Variants in INPPL1 observed in about 807,000 individuals in gnomAD.
The protein encoded by INPPL1 is inositol polyphosphate phosphatase like 1.
Under a neutral mutation model 139.3 loss-of-function variants are expected in INPPL1, and 91 were observed. The ratio of observed to expected loss-of-function variants is 0.65; its 90% CI spans 0.55 to 0.78. The LOEUF is 0.78. INPPL1 is among the 30% of genes least tolerant of loss of function. The pLI is 0.00. For missense variants in INPPL1, 1,411 were observed against 1,665.6 expected, an observed-to-expected ratio of 0.85 and a Z score of 2.66; for synonymous variants, 719 against 686.6, an observed-to-expected ratio of 1.05 and a Z score of -0.74.
intron 1 of INPPL1, chr11:72,225,374 C>A (rs1948641758): frequency 2.0e-6 from 2 of 985,282 alleles, no homozygotes; most frequent in South Asian, 4.7e-5. Flanking sequence ...CTTTCAGGAG[C>A]CTTGAGGGTA....
Position 72,234,757 on chromosome 11 carries a change from G to GTGTGTA in INPPL1, c.2415+147_2415+148insATGTGT. On this transcript the variant is annotated intron_variant, in intron 21 of 27. Transcript: ENST00000298229. The surrounding 1 kb of genome is among the most constrained non-coding windows in gnomAD (Gnocchi z 4.2). ...AGTGTGTGTGTGTGTGTGTGTGTGT[G>GTGTGTA]TGTGTGTATGGGCATGGGCATGAGT... 1 of 643,994 alleles carries GTGTGTA rather than the reference G, an allele frequency of 1.6e-6. No homozygotes were observed. Among genetic ancestry groups the GTGTGTA allele is most frequent in the Non-Finnish European group, 2.7e-6 (1 of 367,030 alleles). The allele number at this position is 643,994 out of a possible 1,614,324, so 39.9% of individuals were successfully genotyped here. A position where few individuals can be genotyped will look rare whatever the true frequency, so the allele number is the denominator to read the frequency against.
upstream of INPPL1, among the ~76,000 whole-genome samples, chr11:72,224,561 TGGATCTCCTCGGGTGAATGATGGGGGCA>T (rs1172306953): frequency 6.9e-6 from 1 of 144,082 alleles, no homozygotes; most frequent in Non-Finnish European, 1.5e-5. Flanking sequence ...ATTTGGGGAC[TGGATCTCCTCGGGTGAATGATGGGGGCA>T]GGATCATTGT....
intron 18 of INPPL1, 48 bp from the exon 19 acceptor site, chr11:72,233,606 AG>A: frequency 6.2e-7 from 1 of 1,606,802 alleles, no homozygotes; most frequent in Middle Eastern, 1.7e-4. Context: ...GTGGGAGCCG[AG>A]GGTGGGAATA....
intron 5 of INPPL1, 113 bp from the exon 6 acceptor site, chr11:72,229,352 A>G: frequency 1.4e-6 from 2 of 1,402,974 alleles, no homozygotes; most frequent in Admixed American, 3.6e-5. Flanking sequence ...TTGCCTCTTG[A>G]CTTTCCTCAC....
chr11:72,238,217 A>C, intron 27 of INPPL1, 42 bp downstream of exon 27: 1 of 1,613,202 alleles, frequency 6.2e-7, no homozygotes, highest in Non-Finnish European at 8.5e-7. Context: ...TGGGGCCCTC[A>C]GGATCCCCTT....
Position 72,225,061 on chromosome 11 carries a change from T to A in INPPL1, c.77T>A (p.Leu26Gln). Residue 26 changes from leucine (L) to glutamine (Q), a missense_variant, in exon 1 of 28, where the codon CTG (leucine) becomes CAG (glutamine). Leu to Gln is a moderately radical substitution (Grantham distance 113). Around this residue, in one of 5 missense-constraint regions of INPPL1, gnomAD observed 504 missense variants for 595.6 expected, o/e 0.85. Transcript: ENST00000298229. Reference protein sequence around the residue: ...SQAPSWYHRDLSRAAAEELLA... With the variant: ...SQAPSWYHRDQSRAAAEELLA... ...GCCCCCTCCTGGTACCACCGCGACC[T>A]GAGCCGGGCGGCCGCGGAGGAGCTG... 1 of 1,229,944 alleles carries A rather than the reference T, an allele frequency of 8.1e-7. No individual in the cohort carries two copies. Among genetic ancestry groups the A allele is most frequent in the Non-Finnish European group, 1.0e-6 (1 of 987,110 alleles). 76.2% of individuals were successfully genotyped at this position (1,229,944 alleles called of 1,614,324 possible).
At position 72,233,133 on chromosome 11, in the gene INPPL1, A is replaced by G. The variant is rs1467776665; in HGVS notation, c.2010A>G (p.Thr670=). ...TYRYERGSRD[T]YAWHKQKPTG... ...GCTATGAGCGGGGTTCCCGGGACAC[A>G]TATGCCTGGCACAAGCAGAAGCCAA... The change falls in exon 17 of 28, where the codon ACA becomes ACG. Residue 670 remains threonine, a synonymous_variant. Coordinates refer to ENST00000298229, the MANE Select transcript of INPPL1 (RefSeq NM_001567.4). The G allele has an allele frequency of 1.9e-6, 3 of 1,614,030 alleles. No individual in the cohort carries two copies. The South Asian group carries it at 3.3e-5, about 18-fold the overall frequency.
In INPPL1 at chr11:72,237,354, G is replaced by A. The variant is rs1219653747; in HGVS notation, c.3110G>A (p.Gly1037Glu). 1 of 1,613,876 alleles carries A rather than the reference G, an allele frequency of 6.2e-7. No homozygotes were observed. Among genetic ancestry groups the A allele is most frequent in the Admixed American group, 1.7e-5 (1 of 60,002 alleles). ...GHHRHPRVGEGSSSDEESGGT... is the reference protein window; with the variant it reads ...GHHRHPRVGEESSSDEESGGT... ...CACCGGCACCCTCGTGTGGGAGAGG[G>A]GAGTTCTTCAGATGAGGAGTCTGGA... The change falls in exon 26 of 28, where the codon GGG (glycine) becomes GAG (glutamate). Residue 1037 changes from glycine to glutamate, a missense_variant. Gly to Glu is a moderately conservative substitution (Grantham distance 98). Transcript: ENST00000298229.
At position 72,232,670 on chromosome 11, in the gene INPPL1, G is replaced by T. The variant is rs1396666961; in HGVS notation, c.1757G>T (p.Gly586Val). 6.2e-7 allele frequency: 1 copy of T among 1,613,822 alleles called. No homozygotes were observed. Among genetic ancestry groups the T allele is most frequent in the East Asian group, 2.2e-5 (1 of 44,864 alleles). ...YLDILRLLSL[G>V]DRQLNAFDIS... is the part of the protein sequence containing the mutation. Reference sequence around the variant, plus strand: ...GACATCCTGCGGCTGCTCTCGCTGGGCGACCGGCAGCTCAATGCCTTTGAC... The same window carrying T: ...GACATCCTGCGGCTGCTCTCGCTGGTCGACCGGCAGCTCAATGCCTTTGAC... The change falls in exon 15 of 28, where the codon GGC becomes GTC. Residue 586 changes from glycine to valine, a missense_variant. Coordinates refer to ENST00000298229, the MANE Select transcript of INPPL1 (RefSeq NM_001567.4).
chr11:72,231,148 C>T lies in INPPL1; in HGVS notation c.1456C>T (p.Arg486Cys), dbSNP rs1006478277. The T allele has an allele frequency of 1.5e-5, 24 of 1,613,462 alleles. No homozygotes were observed. The highest frequency in any genetic ancestry group is 1.8e-5 in the Non-Finnish European group (21 of 1,180,002). The change falls in exon 12 of 28, where the codon CGC (arginine) becomes TGC (cysteine). Residue 486 changes from arginine (R) to cysteine (C), a missense_variant. Coordinates refer to ENST00000298229, the MANE Select transcript of INPPL1 (RefSeq NM_001567.4). ...VGDREWLDLLRGGLKELTDLD... is the reference protein window; with the variant it reads ...VGDREWLDLLCGGLKELTDLD... The stretch of plus-strand genomic sequence containing the variant: ...CGACCGCGAGTGGCTGGACCTACTG[C>T]GCGGGGGCCTCAAGGAGCTTACGGA...
In INPPL1 at chr11:72,228,359, T is replaced by C; in HGVS notation, c.258T>C (p.Gly86=). 1 of 1,613,590 alleles carries C rather than the reference T, an allele frequency of 6.2e-7. No homozygotes were observed. The highest frequency in any genetic ancestry group is 8.5e-7 in the Non-Finnish European group (1 of 1,179,936). The part of the protein sequence containing the change: ...EDFLAVQTSQ[G]VPVRRFQTLG... ...TTGCTGGCCCACAGACCTCGCAGGG[T>C]GTGCCTGTGCGCCGCTTCCAGACCC... Residue 86 remains glycine (G), a synonymous_variant, in exon 3 of 28, where the codon GGT becomes GGC. Coordinates refer to ENST00000298229, the MANE Select transcript of INPPL1 (RefSeq NM_001567.4). This position sits in a 1 kb window ranked among gnomAD's most constrained non-coding sequence, Gnocchi z 5.0.
rs568270118 is a variant in INPPL1 at position 72,225,444 on chromosome 11, C to T, written c.182+278C>T. ...GATGACGAAAAATTCGGGCATTCCC[C>T]GGCAGACCCCTTCAGGCATCCTCCA... On this transcript the variant is annotated intron_variant, in intron 1 of 27. Transcript: ENST00000298229. The T allele has an allele frequency of 1.1e-5, 11 of 985,352 alleles. No individual in the cohort carries two copies. The East Asian group carries it at 5.7e-4, about 51-fold the overall frequency. 61.0% of individuals were successfully genotyped at this position (985,352 alleles called of 1,614,324 possible). A position where few individuals can be genotyped will look rare whatever the true frequency, so the allele number is the denominator to read the frequency against.
chr11:72,230,514 C>A lies in INPPL1; in HGVS notation c.1197+46C>A, dbSNP rs549902542. 4.6e-5 allele frequency: 71 copies of A among 1,552,138 alleles called. No homozygotes were observed. In the South Asian group the frequency reaches 7.9e-4, roughly 17 times the overall value. On this transcript the variant is annotated intron_variant, in intron 10 of 27. Coordinates refer to ENST00000298229, the MANE Select transcript of INPPL1 (RefSeq NM_001567.4). ...GGCCACTGGGGACTGCGGGGGTCCC[C>A]CACATGGGTGCTTCCCATTGGAGGG...
chr11:72,223,673 G>C (rs1948578618), upstream of INPPL1: 1 of 151,958 alleles, frequency 6.6e-6, no homozygotes, highest in Non-Finnish European at 1.5e-5. Context: ...GTACGAGCTC[G>C]GCCCCCAGAG....
At position 72,235,943 on chromosome 11, in the gene INPPL1, G is replaced by C; in HGVS notation, c.2836G>C (p.Ala946Pro). The part of the protein sequence containing the change: ...EKPPPTGRPP[A>P]PPRAAPREEP... Reference sequence around the variant, plus strand: ...ACCGCCACCAACGGGGAGGCCCCCAGCCCCACCCCGAGCAGCTCCCCGGGA... The same window carrying C: ...ACCGCCACCAACGGGGAGGCCCCCACCCCCACCCCGAGCAGCTCCCCGGGA... Residue 946 changes from alanine to proline, a missense_variant, in exon 25 of 28, where the codon GCC becomes CCC. Physicochemically the swap from Ala to Pro is conservative, Grantham distance 27. Around this residue, in one of 5 missense-constraint regions of INPPL1, gnomAD observed 438 missense variants for 425.7 expected, o/e 1.03. Coordinates refer to ENST00000298229, the MANE Select transcript of INPPL1 (RefSeq NM_001567.4). This position sits in a 1 kb window ranked among gnomAD's most constrained non-coding sequence, Gnocchi z 4.9. 1 of 1,611,118 alleles carries C rather than the reference G, an allele frequency of 6.2e-7. No homozygotes were observed. The highest frequency in any genetic ancestry group is 1.1e-5 in the South Asian group (1 of 90,884).
chr11:72,225,319 C>A, intron 1 of INPPL1, 153 bp downstream of exon 1: 2 of 985,380 alleles, frequency 2.0e-6, no homozygotes, highest in Non-Finnish European at 2.4e-6. Context: ...TCTCCTGGGT[C>A]TGAGGAGGGA....
rs751019012 is a variant in INPPL1, at chr11:72,235,760, T to TA, written c.2738+8dup. 117 of 1,613,870 alleles carry TA rather than the reference T, an allele frequency of 7.2e-5. 1 individual carries two copies. Among genetic ancestry groups the TA allele is most frequent in the Non-Finnish European group, 1.6e-5 (19 of 1,179,946 alleles). ...GAGGGAGCCAGGAGCCCAGGTGAGCTAGGGCTGTGTTGAATGTCATATGAA... is the reference window on the plus strand; with the variant it reads ...GAGGGAGCCAGGAGCCCAGGTGAGCTAAGGGCTGTGTTGAATGTCATATGAA... On this transcript the variant is annotated splice_region_variant and intron_variant, in intron 24 of 27. Coordinates refer to ENST00000298229, the MANE Select transcript of INPPL1 (RefSeq NM_001567.4). The surrounding 1 kb of genome is among the most constrained non-coding windows in gnomAD (Gnocchi z 4.9).
chr11:72,229,064 A>G (rs758287391), intron 4 of INPPL1, 26 bp from the exon 5 acceptor site: 15 of 1,586,962 alleles, frequency 9.5e-6, no homozygotes, highest in Non-Finnish European at 1.3e-5. Context: ...CAGGACCTCC[A>G]CTGACTTCTT....
intron 17 of INPPL1, 54 bp from the exon 18 acceptor site, chr11:72,233,387 G>T (rs1288727234): frequency 2.0e-6 from 3 of 1,516,754 alleles, no homozygotes; most frequent in East Asian, 4.5e-5. Context: ...TGGGGTCCAT[G>T]CCAAGCAGCC....
Sources: gnomAD v4.1 joint callset for allele counts (sites outside exome capture counted in the v4.1 genomes callset) on GRCh38, gnomAD v4.1.1 for gene constraint, gnomAD v4.1.1 regional missense constraint, Gnocchi (gnomAD v3.1) non-coding constraint, MANE v1.5 for transcripts, NCBI Gene and HGNC (gene_info 2026-07-23, HGNC 2026-07-21) for gene names.